The following CCDC62 variants were observed in gnomAD, a reference collection of about 807,000 sequenced individuals.
CCDC62 encodes coiled-coil domain-containing protein 62.
In CCDC62, 72 loss-of-function variants were observed where a neutral mutation model predicts 80.8. The ratio of observed to expected loss-of-function variants is 0.89; its 90% CI spans 0.74 to 1.08. The LOEUF (loss-of-function observed/expected upper bound fraction) is 1.08, where lower values mean the gene tolerates loss of function less well. Ranked by LOEUF, CCDC62 falls within the 50% of genes least tolerant of loss-of-function variation. The pLI, the probability that CCDC62 is intolerant of heterozygous loss-of-function variation, is 0.00. For missense variants in CCDC62, 704 were observed against 809.4 expected (o/e 0.87, Z 1.58); for synonymous variants, 286 against 296.5 (o/e 0.96, Z 0.36).
chr12:122,808,222 G>T (rs542735464), intron 10 of CCDC62, among the ~76,000 whole-genome samples: 5 of 152,130 alleles, frequency 3.3e-5, no homozygotes, highest in African/African-American at 1.2e-4. Flanking sequence ...GCTTAAACCC[G>T]GGAGGCAGGG....
At chr12:122,799,867 T>C (rs776484563) in intron 8 of CCDC62, among the ~76,000 whole-genome samples, 2 of 152,196 alleles carry the variant, frequency 1.3e-5, no homozygotes, top group East Asian at 3.9e-4. Flanking sequence ...TGCTTCACTT[T>C]CCTTTGGGGC....
intron 10 of CCDC62, among the ~76,000 whole-genome samples, chr12:122,808,315 A>T (rs1267177224): frequency 6.6e-6 from 1 of 152,164 alleles, no homozygotes; most frequent in African/African-American, 2.4e-5. Flanking sequence ...AGTAATGGCA[A>T]AAACCGCAAT....
intron 10 of CCDC62, among the ~76,000 whole-genome samples, chr12:122,812,732 A>AT (rs2031954545): frequency 8.0e-6 from 1 of 125,524 alleles, no homozygotes. Context: ...AAAAAAAAAA[A>AT]AAAAGAAAGA....
At chr12:122,778,691 C>A (rs770798352) in intron 2 of CCDC62, among the ~76,000 whole-genome samples, 2 of 152,020 alleles carry the variant, frequency 1.3e-5, no homozygotes, top group Non-Finnish European at 2.9e-5. Context: ...ACCAGCCCAG[C>A]CAACATGGTG....
intron 3 of CCDC62, among the ~76,000 whole-genome samples, chr12:122,783,055 C>T (rs766176414): frequency 3.3e-5 from 5 of 150,136 alleles, no homozygotes; most frequent in Admixed American, 1.3e-4. Context: ...TGCAGTGAGC[C>T]GAGATCGCAC....
intron 3 of CCDC62, among the ~76,000 whole-genome samples, chr12:122,782,362 T>C (rs1391774934): frequency 6.6e-6 from 1 of 152,210 alleles, no homozygotes; most frequent in Non-Finnish European, 1.5e-5. Context: ...TTTAGTAGCA[T>C]CTACCATTTA....
At chr12:122,778,075 A>G (rs1879589593) in intron 2 of CCDC62, among the ~76,000 whole-genome samples, 2 of 152,152 alleles carry the variant, frequency 1.3e-5, no homozygotes, top group South Asian at 4.1e-4. Flanking sequence ...TTTTAAAGTT[A>G]TAGCTGTCCG....
chr12:122,795,204 C>T (rs1250708702), intron 6 of CCDC62, among the ~76,000 whole-genome samples: 1 of 151,404 alleles, frequency 6.6e-6, no homozygotes, highest in African/African-American at 2.4e-5. Context: ...GCACACGTCA[C>T]GACACCTGGC....
chr12:122,811,175 A>T lies in CCDC62; in HGVS notation c.1852-2095A>T, dbSNP rs1009214384. On this transcript the variant is annotated intron_variant, in intron 10 of 12. Transcript: ENST00000253079. ...CCTAGAACCTAAAGTATAATAATAA[A>T]AAATAAATAAATAAATAAAAAGAAA... Among the ~76,000 whole-genome samples the T allele has an allele frequency of 1.9e-4, 28 of 151,142 alleles. 1 individual carries two copies. Among genetic ancestry groups the T allele is most frequent in the Non-Finnish European group, 3.1e-4 (21 of 67,694 alleles).
intron 11 of CCDC62, among the ~76,000 whole-genome samples, chr12:122,814,784 A>G (rs1175666751): frequency 6.6e-6 from 1 of 150,794 alleles, no homozygotes; most frequent in Non-Finnish European, 1.5e-5. Context: ...TTGGGATTAC[A>G]AGCATGAGCC....
intron 10 of CCDC62, among the ~76,000 whole-genome samples, chr12:122,812,807 G>A (rs1402060681): frequency 2.1e-5 from 3 of 142,472 alleles, no homozygotes; most frequent in Admixed American, 1.4e-4. Context: ...AAGAAAGAAA[G>A]AAAGAAAGAA....
At chr12:122,805,131 C>G (rs544119243) in intron 9 of CCDC62, among the ~76,000 whole-genome samples, 2 of 149,332 alleles carry the variant, frequency 1.3e-5, no homozygotes, top group East Asian at 3.9e-4. Flanking sequence ...GTGGTCAGCT[C>G]TCCTCGGCCT....
intron 11 of CCDC62, 113 bp from the exon 12 acceptor site, chr12:122,823,253 G>A (rs1002251204): frequency 1.9e-5 from 15 of 785,196 alleles, no homozygotes; most frequent in Middle Eastern, 3.0e-4. Context: ...GAGCCACCAC[G>A]CCCAGCCTCA....
At chr12:122,786,745 G>A (rs570352047) in intron 4 of CCDC62, among the ~76,000 whole-genome samples, 56 of 151,914 alleles carry the variant, frequency 3.7e-4, no homozygotes, top group African/African-American at 1.3e-3. Context: ...CAGATCACGA[G>A]GTCAGGAGAT....
chr12:122,804,289 C>G lies in CCDC62; in HGVS notation c.1707-1862C>G, dbSNP rs562243518. Among the ~76,000 whole-genome samples the G allele has an allele frequency of 5.3e-5, 8 of 152,264 alleles. No individual in the cohort carries two copies. In the South Asian group the frequency reaches 1.7e-3, roughly 32 times the overall value. ...ATCACCTGAGGTCAGGAGGTCGAGACCGACCTGGCCAACATGGTGAAACCC... is the reference window on the plus strand; with the variant it reads ...ATCACCTGAGGTCAGGAGGTCGAGAGCGACCTGGCCAACATGGTGAAACCC... On this transcript the variant is annotated intron_variant, in intron 9 of 12. Transcript: ENST00000253079.
intron 9 of CCDC62, among the ~76,000 whole-genome samples, chr12:122,805,021 A>G (rs1282379100): frequency 6.6e-6 from 1 of 151,126 alleles, no homozygotes; most frequent in East Asian, 2.0e-4. Context: ...AGTAGCTGAG[A>G]TTACAGGCGC....
intron 6 of CCDC62, 90 bp from the exon 7 acceptor site, chr12:122,797,217 A>G (rs2031015803): frequency 1.4e-6 from 1 of 692,244 alleles, no homozygotes; most frequent in Non-Finnish European, 2.6e-6. Context: ...CAACAACAAA[A>G]ATGTTAGCTG....
chr12:122,812,733 A>AG lies in CCDC62; in HGVS notation c.1852-537_1852-536insG, dbSNP rs1323142053. Among the ~76,000 whole-genome samples, 17 of 87,492 alleles carry AG rather than the reference A, an allele frequency of 1.9e-4. 2 individuals are homozygous for AG. The highest frequency in any genetic ancestry group is 3.2e-4 in the African/African-American group (8 of 24,788). 57.4% of individuals were successfully genotyped at this position (87,492 alleles called of 152,430 possible). ...CGAGACTCCGTCTCAAAAAAAAAAA[A>AG]AAAGAAAGAGAGAGAGAGGGAGGGA... On this transcript the variant is annotated intron_variant, in intron 10 of 12. Coordinates refer to ENST00000253079, the MANE Select transcript of CCDC62 (RefSeq NM_201435.5).
chr12:122,817,874 G>A (rs760392897), intron 11 of CCDC62, among the ~76,000 whole-genome samples: 2 of 152,096 alleles, frequency 1.3e-5, no homozygotes, highest in African/African-American at 2.4e-5. Context: ...TAGCCAACAG[G>A]TGACTGCGTC....
Sources: gnomAD v4.1 joint callset for allele counts (sites outside exome capture counted in the v4.1 genomes callset) on GRCh38, gnomAD v4.1.1 for gene constraint, MANE v1.5 for transcripts, NCBI Gene and HGNC (gene_info 2026-07-23, HGNC 2026-07-21) for gene names.